Variants in BCL9 observed in about 807,000 individuals in gnomAD.
BCL9 encodes the protein BCL9 transcription coactivator.
Under a neutral mutation model 88.5 loss-of-function variants are expected in BCL9, and 25 were observed. That is an observed-to-expected ratio of 0.28 (90% CI 0.21 to 0.39). The LOEUF (loss-of-function observed/expected upper bound fraction) is 0.39. Among genes scored for constraint, BCL9 ranks in the 10% least tolerant of loss-of-function variants. The pLI, the probability that BCL9 is intolerant of heterozygous loss-of-function variation, is 1.00. For synonymous variants in BCL9, 711 were observed against 673.3 expected (o/e 1.06, Z -0.87); for missense variants, 1,817 against 1,877.8 (o/e 0.97, Z 0.60).
At chr1:147,563,131 T>C (rs782534248) in intron 1 of BCL9, among the ~76,000 whole-genome samples, 3 of 152,220 alleles carry the variant, frequency 2.0e-5, no homozygotes, top group African/African-American at 4.8e-5. Flanking sequence ...ATGTCACCTC[T>C]TCAGAGAGCC....
chr1:147,609,059 T>G (rs1431800549), intron 3 of BCL9, among the ~76,000 whole-genome samples: 3 of 152,184 alleles, frequency 2.0e-5, no homozygotes, highest in Non-Finnish European at 4.4e-5. Flanking sequence ...GCATGGCACA[T>G]AGTAAAAATT....
Position 147,582,408 on chromosome 1 carries a change from A to AT in BCL9, c.-477-22363dup, listed in dbSNP as rs149574070. Among the ~76,000 whole-genome samples the AT allele has an allele frequency of 7.8e-3, 1,190 of 152,284 alleles. 21 individuals carry two copies. The highest frequency in any genetic ancestry group is 0.027 in the African/African-American group (1,137 of 41,556). The stretch of plus-strand genomic sequence containing the variant: ...TTAGGGCAAAGAGTATGAACATTTA[A>AT]TTTTTTATTTAAAAATGTATTTATA... On this transcript the variant is annotated intron_variant, in intron 1 of 9. Coordinates refer to ENST00000234739, the MANE Select transcript of BCL9 (RefSeq NM_004326.4).
chr1:147,607,951 T>C (rs1304065027), intron 3 of BCL9, among the ~76,000 whole-genome samples: 1 of 151,980 alleles, frequency 6.6e-6, no homozygotes, highest in Non-Finnish European at 1.5e-5. Context: ...GAAGAGAAGA[T>C]GACTCAGAGT....
chr1:147,613,276 CAG>C, intron 5 of BCL9, 77 bp downstream of exon 5: 1 of 1,473,316 alleles, frequency 6.8e-7, no homozygotes, highest in Non-Finnish European at 9.4e-7. Context: ...CGACAGAGGC[CAG>C]AGAGCCTAAT....
intron 5 of BCL9, 31 bp from the exon 6 acceptor site, chr1:147,614,396 C>A: frequency 1.2e-6 from 2 of 1,604,830 alleles, no homozygotes; most frequent in Non-Finnish European, 1.7e-6. Flanking sequence ...AAATTTTATT[C>A]TTTCTGTGAC....
At chr1:147,623,106 T>G (rs1658733032) in intron 9 of BCL9, among the ~76,000 whole-genome samples, 1 of 150,740 alleles carries the variant, frequency 6.6e-6, no homozygotes, top group Admixed American at 6.6e-5. Flanking sequence ...GTGAAAGCAA[T>G]CAGCAAAGAG....
In BCL9 at chr1:147,618,957, G is replaced by A; in HGVS notation, c.802G>A (p.Ala268Thr). ...PPIPAPAPKP[A>T]APPRPLDRES... is the part of the protein sequence containing the mutation. ...CATTCCGGCACCAGCACCCAAGCCT[G>A]CCGCACCCCCACGTCCCCTGGACCG... The change falls in exon 8 of 10, where the codon GCC (alanine) becomes ACC (threonine). Residue 268 changes from alanine to threonine, a missense_variant. Ala to Thr is a moderately conservative substitution (Grantham distance 58). Coordinates refer to ENST00000234739, the MANE Select transcript of BCL9 (RefSeq NM_004326.4). The A allele has an allele frequency of 6.2e-7, 1 of 1,613,884 alleles. No individual in the cohort carries two copies. Among genetic ancestry groups the A allele is most frequent in the Non-Finnish European group, 8.5e-7 (1 of 1,179,896 alleles).
chr1:147,619,184 A>C lies in BCL9; in HGVS notation c.1029A>C (p.Thr343=), dbSNP rs781915997. The C allele has an allele frequency of 6.2e-7, 1 of 1,613,656 alleles. No individual in the cohort carries two copies. Among genetic ancestry groups the C allele is most frequent in the South Asian group, 1.1e-5 (1 of 91,040 alleles). ...PPPVSSGEPP[T]LGENPDGLSQ... Reference sequence around the variant, plus strand: ...CAGTGTCCAGTGGCGAGCCCCCCACACTGGGAGAGAATCCCGATGGCCTAT... The same window carrying C: ...CAGTGTCCAGTGGCGAGCCCCCCACCCTGGGAGAGAATCCCGATGGCCTAT... Residue 343 remains threonine (T), a synonymous_variant, in exon 8 of 10, where the codon ACA becomes ACC. Coordinates refer to ENST00000234739, the MANE Select transcript of BCL9 (RefSeq NM_004326.4). This position sits in a 1 kb window ranked among gnomAD's most constrained non-coding sequence, Gnocchi z 4.1.
chr1:147,614,160 T>G (rs1553203253), intron 5 of BCL9, among the ~76,000 whole-genome samples: 1 of 151,230 alleles, frequency 6.6e-6, no homozygotes, highest in Non-Finnish European at 1.5e-5. Context: ...GTCTAGGAGG[T>G]TTCAAAAAGG....
intron 1 of BCL9, among the ~76,000 whole-genome samples, chr1:147,550,631 G>C (rs142746917): frequency 1.3e-5 from 2 of 152,184 alleles, no homozygotes; most frequent in Admixed American, 6.5e-5. Context: ...TTGGGGACCA[G>C]GATGAGGATA....
rs141112592 is a variant in BCL9, at chr1:147,620,100, A to G, written c.1945A>G (p.Met649Val). 7 of 1,614,194 alleles carry G rather than the reference A, an allele frequency of 4.3e-6. No homozygotes were observed. The highest frequency in any genetic ancestry group is 4.5e-5 in the East Asian group (2 of 44,862). Residue 649 changes from methionine (M) to valine (V), a missense_variant, in exon 8 of 10, where the codon ATG (methionine) becomes GTG (valine). Around this residue, in one of 2 missense-constraint regions of BCL9, gnomAD observed 1,228 missense variants for 1,191.6 expected, o/e 1.03. Coordinates refer to ENST00000234739, the MANE Select transcript of BCL9 (RefSeq NM_004326.4). ...KQLGLPPGMA[M>V]EGIRPSMEMN... ...GCTGGGTCTCCCCCCAGGGATGGCC[A>G]TGGAAGGCATCAGGCCCAGCATGGA...
rs1658934121 is a variant in BCL9 at position 147,626,055 on chromosome 1, T to A, written c.*1096T>A. The stretch of plus-strand genomic sequence containing the variant: ...TGGGAGTGGAACAGATGCTAAAAGC[T>A]ATCCAGGATTTTGTTTCTGTTTGTT... On this transcript the variant is annotated 3_prime_UTR_variant, in exon 10 of 10. Transcript: ENST00000234739. 4.4e-6 allele frequency: 1 copy of A among 224,748 alleles called. No individual in the cohort carries two copies. The highest frequency in any genetic ancestry group is 5.7e-5 in the Admixed American group (1 of 17,410). 13.9% of individuals were successfully genotyped at this position (224,748 alleles called of 1,614,324 possible). A position where few individuals can be genotyped will look rare whatever the true frequency, so the allele number is the denominator to read the frequency against.
Position 147,625,045 on chromosome 1 carries a change from C to T in BCL9, c.*86C>T. On this transcript the variant is annotated 3_prime_UTR_variant, in exon 10 of 10. Coordinates refer to ENST00000234739, the MANE Select transcript of BCL9 (RefSeq NM_004326.4). ...TTTGAGGGAGTTCCAGGAGTACTTA[C>T]TATTGGTCATGCAATAGGAGAACAG... is the stretch of plus-strand genomic sequence containing the variant. The T allele has an allele frequency of 3.3e-6, 5 of 1,498,166 alleles. No individual in the cohort carries two copies. The highest frequency in any genetic ancestry group is 9.0e-7 in the Non-Finnish European group (1 of 1,113,396). The allele number at this position is 1,498,166 out of a possible 1,614,324, so 92.8% of individuals were successfully genotyped here. A position where few individuals can be genotyped will look rare whatever the true frequency, so the allele number is the denominator to read the frequency against.
chr1:147,546,403 G>C (rs112090489), intron 1 of BCL9, among the ~76,000 whole-genome samples: 4 of 151,286 alleles, frequency 2.6e-5, no homozygotes, highest in African/African-American at 9.7e-5. Flanking sequence ...TAAAACACTA[G>C]AATTTAGAGT....
rs782343492 is a variant in BCL9 at position 147,620,408 on chromosome 1, C to T, written c.2253C>T (p.Arg751=). Reference sequence around the variant, plus strand: ...GCCCTGAGGAGATGCTGAAATTACGCCCAGGTGGCTCAGACATGCTGCCTG... The same window carrying T: ...GCCCTGAGGAGATGCTGAAATTACGTCCAGGTGGCTCAGACATGCTGCCTG... ...GAGPEEMLKL[R]PGGSDMLPAQ... is the part of the protein sequence containing the mutation. Residue 751 remains arginine, a synonymous_variant, in exon 8 of 10, where the codon CGC becomes CGT. Coordinates refer to ENST00000234739, the MANE Select transcript of BCL9 (RefSeq NM_004326.4). 6.2e-7 allele frequency: 1 copy of T among 1,613,914 alleles called. No individual in the cohort carries two copies. Among genetic ancestry groups the T allele is most frequent in the Non-Finnish European group, 8.5e-7 (1 of 1,179,924 alleles).
chr1:147,563,762 G>A (rs2101507558), intron 1 of BCL9, among the ~76,000 whole-genome samples: 1 of 152,322 alleles, frequency 6.6e-6, no homozygotes, highest in South Asian at 2.1e-4. Flanking sequence ...TGCCTATAGA[G>A]TCAGCAGCAC....
Position 147,624,217 on chromosome 1 carries a change from C to T in BCL9, c.3539C>T (p.Pro1180Leu), listed in dbSNP as rs782367122. 5 of 1,611,880 alleles carry T rather than the reference C, an allele frequency of 3.1e-6. No homozygotes were observed. Among genetic ancestry groups the T allele is most frequent in the Non-Finnish European group, 4.2e-6 (5 of 1,178,258 alleles). ...CCAGGAGAAGGCCCCCTTGGCCGCC[C>T]CAGCAACCTGCCCCAAAGTTCAGCA... ...GFPGEGPLGR[P>L]SNLPQSSADA... Residue 1180 changes from proline (P) to leucine (L), a missense_variant, in exon 10 of 10, where the codon CCC (proline) becomes CTC (leucine). Pro to Leu is a moderately conservative substitution (Grantham distance 98). Around this residue, in one of 2 missense-constraint regions of BCL9, gnomAD observed 589 missense variants for 686.2 expected, o/e 0.86. Coordinates refer to ENST00000234739, the MANE Select transcript of BCL9 (RefSeq NM_004326.4). This position sits in a 1 kb window ranked among gnomAD's most constrained non-coding sequence, Gnocchi z 4.4.
At chr1:147,609,622 T>C (rs1657901673) in intron 3 of BCL9, among the ~76,000 whole-genome samples, 1 of 152,252 alleles carries the variant, frequency 6.6e-6, no homozygotes, top group African/African-American at 2.4e-5. Context: ...TAAAAGTGTT[T>C]TATGTTCACA....
At chr1:147,545,074 T>C (rs998491591) in intron 1 of BCL9, among the ~76,000 whole-genome samples, 21 of 152,170 alleles carry the variant, frequency 1.4e-4, no homozygotes, top group Admixed American at 1.4e-3. Context: ...CACCCACACA[T>C]AAATCATAGG....
Sources: gnomAD v4.1 joint callset for allele counts (sites outside exome capture counted in the v4.1 genomes callset) on GRCh38, gnomAD v4.1.1 for gene constraint, gnomAD v4.1.1 regional missense constraint, Gnocchi (gnomAD v3.1) non-coding constraint, MANE v1.5 for transcripts, NCBI Gene and HGNC (gene_info 2026-07-23, HGNC 2026-07-21) for gene names.